PRSS23: variants seen among roughly 807,000 people sequenced by gnomAD.
PRSS23 encodes protease, serine 23.
Under a neutral mutation model 34.7 loss-of-function variants are expected in PRSS23, and 25 were observed. The ratio of observed to expected loss-of-function variants is 0.72; its 90% CI spans 0.53 to 1.01. The LOEUF (loss-of-function observed/expected upper bound fraction) is 1.01, where lower values mean the gene tolerates loss of function less well. PRSS23 is among the 50% of genes least tolerant of loss of function. The pLI, the probability that PRSS23 is intolerant of heterozygous loss-of-function variation, is 0.00. For missense variants in PRSS23, 445 were observed against 475.6 expected, an observed-to-expected ratio of 0.94 and a Z score of 0.60; for synonymous variants, 176 against 186.6, an observed-to-expected ratio of 0.94 and a Z score of 0.46.
chr11:86,914,161 G>A (rs1948997576), intron 2 of PRSS23, among the ~76,000 whole-genome samples: 1 of 151,990 alleles, frequency 6.6e-6, no homozygotes, highest in African/African-American at 2.4e-5. Flanking sequence ...AGGAGACAGA[G>A]GTTGCAGCAA....
intron 2 of PRSS23, among the ~76,000 whole-genome samples, chr11:86,829,900 T>TG (rs1024785315): frequency 6.6e-6 from 1 of 152,196 alleles, no homozygotes; most frequent in African/African-American, 2.4e-5. Context: ...CTGCCCCTAC[T>TG]GGGGGGTGCC....
intron 2 of PRSS23, among the ~76,000 whole-genome samples, chr11:86,939,426 A>ATATAT: frequency 1.1e-4 from 10 of 94,076 alleles, no homozygotes; most frequent in South Asian, 3.5e-4. Flanking sequence ...ATATATATAT[A>ATATAT]TTTTTTAACA....
At chr11:86,833,100 G>A in intron 2 of PRSS23, 4 of 620,038 alleles carry the variant, frequency 6.5e-6, no homozygotes, top group Non-Finnish European at 1.2e-5. Context: ...CCGGTCATAG[G>A]CCCTCACACT....
rs927343879 is a variant in PRSS23 at position 86,807,632 on chromosome 11, A to G, written c.-12A>G. The stretch of plus-strand genomic sequence containing the variant: ...ACCTGCTTGTCTTTGTTTCTACAGA[A>G]CAGTGCTCGGCATGGCAGGGATTCC... On this transcript the variant is annotated splice_region_variant and 5_prime_UTR_variant, in exon 2 of 2. Transcript: ENST00000280258. The G allele has an allele frequency of 1.3e-6, 2 of 1,598,478 alleles. No individual in the cohort carries two copies. Among genetic ancestry groups the G allele is most frequent in the African/African-American group, 1.3e-5 (1 of 74,424 alleles).
intron 2 of PRSS23, among the ~76,000 whole-genome samples, chr11:86,901,376 C>T (rs1184011918): frequency 6.6e-6 from 1 of 152,156 alleles, no homozygotes; most frequent in Non-Finnish European, 1.5e-5. Flanking sequence ...TTGAACAAAA[C>T]TACCATCTTT....
intron 2 of PRSS23, among the ~76,000 whole-genome samples, chr11:86,913,818 G>T: frequency 6.6e-6 from 1 of 151,452 alleles, no homozygotes; most frequent in South Asian, 2.1e-4. Context: ...TGGACCAGAG[G>T]TTGAACCCTG....
intron 1 of PRSS23, among the ~76,000 whole-genome samples, chr11:86,792,331 G>A (rs1947956661): frequency 6.6e-6 from 1 of 152,154 alleles, no homozygotes; most frequent in Non-Finnish European, 1.5e-5. Flanking sequence ...TCCCTCCAAG[G>A]TGCTCATGCT....
In PRSS23 at chr11:86,809,856, T is replaced by C. The variant is rs1174788510; in HGVS notation, c.*1061T>C. 6.0e-6 allele frequency: 1 copy of C among 167,028 alleles called. No individual in the cohort carries two copies. Among genetic ancestry groups the C allele is most frequent in the Non-Finnish European group, 1.5e-5 (1 of 68,122 alleles). 10.3% of individuals were successfully genotyped at this position (167,028 alleles called of 1,614,324 possible). A position where few individuals can be genotyped will look rare whatever the true frequency, so the allele number is the denominator to read the frequency against. On this transcript the variant is annotated 3_prime_UTR_variant, in exon 2 of 2. Coordinates refer to ENST00000280258, the MANE Select transcript of PRSS23 (RefSeq NM_007173.6). The stretch of plus-strand genomic sequence containing the variant: ...AGTCCTCCAGCCTGATCAAAAATTA[T>C]TCTGCATAGTTTTCAGTGTGCTTTC...
Position 86,820,805 on chromosome 11 carries a change from C to T in PRSS23, c.-11-2572C>T, listed in dbSNP as rs561832471. Among the ~76,000 whole-genome samples, 261 of 152,228 alleles carry T rather than the reference C, an allele frequency of 1.7e-3. 1 individual carries two copies. The highest frequency in any genetic ancestry group is 6.0e-3 in the African/African-American group (251 of 41,544). On this transcript the variant is annotated intron_variant, in intron 1 of 2. Transcript: ENST00000533902. ...GCTTGTGTGAAACCTCAAGCTCTCG[C>T]TCAATTTTTTTTATAGATGGGTATG...
intron 2 of PRSS23, among the ~76,000 whole-genome samples, chr11:86,912,598 A>AT (rs1433949295): frequency 1.3e-5 from 2 of 151,962 alleles, no homozygotes; most frequent in Non-Finnish European, 2.9e-5. Context: ...CTCATATTGC[A>AT]TTTTTTGTAT....
chr11:86,834,536 C>T (rs869267813), intron 2 of PRSS23, among the ~76,000 whole-genome samples: 1 of 137,104 alleles, frequency 7.3e-6, no homozygotes, highest in Non-Finnish European at 1.6e-5. Context: ...CTTTCCTTTC[C>T]TTTCCTTTCC....
chr11:86,862,783 G>C (rs1325136442), intron 2 of PRSS23, among the ~76,000 whole-genome samples: 1 of 151,872 alleles, frequency 6.6e-6, no homozygotes, highest in Non-Finnish European at 1.5e-5. Flanking sequence ...TAATGACACA[G>C]GGTGTGTACA....
intron 2 of PRSS23, among the ~76,000 whole-genome samples, chr11:86,854,601 A>T (rs1247386602): frequency 6.6e-6 from 1 of 152,134 alleles, no homozygotes; most frequent in African/African-American, 2.4e-5. Flanking sequence ...CTGATGTCAT[A>T]AAGGTTTTGG....
chr11:86,902,645 T>C (rs930016339), intron 2 of PRSS23, among the ~76,000 whole-genome samples: 6 of 152,188 alleles, frequency 3.9e-5, no homozygotes, highest in South Asian at 2.1e-4. Flanking sequence ...TTAGTGTACA[T>C]GATGCTACTA....
At chr11:86,885,634 T>C (rs553512500) in intron 2 of PRSS23, among the ~76,000 whole-genome samples, 1 of 152,348 alleles carries the variant, frequency 6.6e-6, no homozygotes, top group South Asian at 2.1e-4. Flanking sequence ...AGACTTGAAC[T>C]GCAACATTAG....
chr11:86,806,828 G>A (rs888374471), intron 1 of PRSS23, among the ~76,000 whole-genome samples: 1 of 152,120 alleles, frequency 6.6e-6, no homozygotes, highest in African/African-American at 2.4e-5. Flanking sequence ...ATAAACAACT[G>A]AAAAAGTAAC....
At chr11:86,899,201 C>T (rs1948895204) in intron 2 of PRSS23, among the ~76,000 whole-genome samples, 1 of 152,070 alleles carries the variant, frequency 6.6e-6, no homozygotes, top group South Asian at 2.1e-4. Context: ...GAGAATCAAG[C>T]TAAGTCTTCA....
chr11:86,794,866 A>C (rs903931643), intron 1 of PRSS23, among the ~76,000 whole-genome samples: 3 of 152,208 alleles, frequency 2.0e-5, no homozygotes, highest in African/African-American at 7.2e-5. Flanking sequence ...GCCCTAAAAA[A>C]ACACTGACAA....
chr11:86,950,625 T>C (rs1206806876), intron 2 of PRSS23: 2 of 189,474 alleles, frequency 1.1e-5, no homozygotes, highest in East Asian at 2.5e-4. Context: ...CCACAGAAGA[T>C]GTTTATGTTA....
Sources: allele counts gnomAD v4.1 joint callset (sites outside exome capture counted in the v4.1 genomes callset), GRCh38; gene constraint gnomAD v4.1.1; transcripts MANE v1.5; gene names NCBI Gene and HGNC (gene_info 2026-07-23, HGNC 2026-07-21).